GALNT18: variants seen among roughly 807,000 people sequenced by gnomAD.
The protein encoded by GALNT18 is GalNAc-transferase 18.
A neutral mutation model predicts 69.5 loss-of-function variants in GALNT18; 44 were observed. The observed-to-expected ratio is 0.63, with a 90% CI of 0.50 to 0.81. The LOEUF (loss-of-function observed/expected upper bound fraction) is 0.81, where lower values mean the gene tolerates loss of function less well. GALNT18 is among the 40% of genes least tolerant of loss of function. The pLI, the probability that GALNT18 is intolerant of heterozygous loss-of-function variation, is 0.00. For synonymous variants in GALNT18, 364 were observed against 318.2 expected (o/e 1.14, Z -1.53); for missense variants, 715 against 810.0 (o/e 0.88, Z 1.42).
intron 1 of GALNT18, among the ~76,000 whole-genome samples, chr11:11,490,256 CA>C (rs1564975754): frequency 6.6e-6 from 1 of 151,470 alleles, no homozygotes; most frequent in South Asian, 2.1e-4. Context: ...CACACACACA[CA>C]CACACACACA....
At chr11:11,381,358 G>A (rs1336012284) in intron 3 of GALNT18, among the ~76,000 whole-genome samples, 2 of 152,142 alleles carry the variant, frequency 1.3e-5, no homozygotes, top group African/African-American at 4.8e-5. Flanking sequence ...CAAATGGCCT[G>A]ATACAAATCC....
chr11:11,294,355 C>G (rs1004533112), intron 9 of GALNT18, among the ~76,000 whole-genome samples: 1 of 152,106 alleles, frequency 6.6e-6, no homozygotes, highest in Non-Finnish European at 1.5e-5. Context: ...CTGGTATGCA[C>G]CAAAATCCCA....
At position 11,564,871 on chromosome 11, in the gene GALNT18, C is replaced by A. The variant is rs1414398300; in HGVS notation, c.235+56488G>T. On this transcript the variant is annotated intron_variant, in intron 1 of 10. Transcript: ENST00000227756. This position sits in a 1 kb window ranked among gnomAD's most constrained non-coding sequence, Gnocchi z 4.3. ...AGTGTTCATAAGTGGCCTGTGTCTG[C>A]TCGATACCATAGTGAACAGAATAGG... Among the ~76,000 whole-genome samples, 2 of 152,214 alleles carry A rather than the reference C, an allele frequency of 1.3e-5. No individual in the cohort carries two copies. The highest frequency in any genetic ancestry group is 3.8e-4 in the East Asian group (2 of 5,200).
chr11:11,414,818 T>C (rs1854816695), intron 3 of GALNT18, among the ~76,000 whole-genome samples: 1 of 152,178 alleles, frequency 6.6e-6, no homozygotes. Context: ...ACTGAGCAGC[T>C]TGAAACAACA....
intron 3 of GALNT18, among the ~76,000 whole-genome samples, chr11:11,416,975 C>T (rs1222965720): frequency 1.3e-5 from 2 of 152,238 alleles, no homozygotes; most frequent in African/African-American, 4.8e-5. Flanking sequence ...CTAAGTGACC[C>T]TTCCTCTATG....
chr11:11,581,498 C>T (rs115157455), intron 1 of GALNT18, among the ~76,000 whole-genome samples: 1,774 of 152,186 alleles, frequency 0.012, 41 homozygotes, highest in African/African-American at 0.04. Context: ...GACAGGGGCA[C>T]GCTACAGTGA....
intron 3 of GALNT18, among the ~76,000 whole-genome samples, chr11:11,428,771 A>G (rs747028775): frequency 5.9e-5 from 9 of 152,214 alleles, no homozygotes; most frequent in Non-Finnish European, 1.0e-4. Flanking sequence ...AGAAAAGAGA[A>G]CTAGAACACA....
chr11:11,485,673 C>T (rs1192727724), intron 1 of GALNT18, among the ~76,000 whole-genome samples: 1 of 152,122 alleles, frequency 6.6e-6, no homozygotes, highest in African/African-American at 2.4e-5. Flanking sequence ...ACCAGGGCAC[C>T]AACTGTATAC....
intron 1 of GALNT18, among the ~76,000 whole-genome samples, chr11:11,585,398 C>T (rs958171641): frequency 6.6e-6 from 1 of 150,706 alleles, no homozygotes; most frequent in Non-Finnish European, 1.5e-5. Context: ...TCTTATTGCC[C>T]AGGCTGGAGT....
chr11:11,427,983 T>G (rs1348436482), intron 3 of GALNT18, among the ~76,000 whole-genome samples: 3 of 152,144 alleles, frequency 2.0e-5, no homozygotes, highest in Non-Finnish European at 2.9e-5. Context: ...GGAAACCAAG[T>G]CCTAGAACAT....
Position 11,382,235 on chromosome 11 carries a change from A to C in GALNT18, c.596-2971T>G, listed in dbSNP as rs1853939035. ...CCAACCAAACAACTGCTATCCAAAA[A>C]AGAAAATAAAGAAGAAACAAAATGC... On this transcript the variant is annotated intron_variant, in intron 3 of 10. Coordinates refer to ENST00000227756, the MANE Select transcript of GALNT18 (RefSeq NM_198516.3). This position sits in a 1 kb window ranked among gnomAD's most constrained non-coding sequence, Gnocchi z 4.3. Among the ~76,000 whole-genome samples, 2 of 152,198 alleles carry C rather than the reference A, an allele frequency of 1.3e-5. No individual in the cohort carries two copies. Among genetic ancestry groups the C allele is most frequent in the Admixed American group, 6.5e-5 (1 of 15,282 alleles).
chr11:11,478,210 G>A (rs941759610), intron 1 of GALNT18, among the ~76,000 whole-genome samples: 3 of 152,238 alleles, frequency 2.0e-5, no homozygotes, highest in African/African-American at 7.2e-5. Context: ...AACACTGGGA[G>A]CTGGAAGGCA....
chr11:11,298,472 G>A (rs1259442180), intron 9 of GALNT18, among the ~76,000 whole-genome samples: 1 of 152,242 alleles, frequency 6.6e-6, no homozygotes, highest in African/African-American at 2.4e-5. Flanking sequence ...AGGGCCTGTG[G>A]CCCCTTACCC....
At chr11:11,361,913 A>G (rs978540184) in intron 6 of GALNT18, among the ~76,000 whole-genome samples, 1 of 152,172 alleles carries the variant, frequency 6.6e-6, no homozygotes, top group Non-Finnish European at 1.5e-5. Context: ...GGCTAAATTC[A>G]CCCTGTGGAC....
chr11:11,346,562 G>T (rs2133062357), intron 6 of GALNT18, among the ~76,000 whole-genome samples: 1 of 152,300 alleles, frequency 6.6e-6, no homozygotes, highest in East Asian at 1.9e-4. Flanking sequence ...TAAAACCTAG[G>T]AAGTCATCAA....
chr11:11,619,604 C>A lies in GALNT18; in HGVS notation c.235+1755G>T, dbSNP rs1860137590. ...AAGAGAATCATTTTCCAGGAACACA[C>A]ACACACACAGAATCTGTGAATGAAA... On this transcript the variant is annotated intron_variant, in intron 1 of 10. Coordinates refer to ENST00000227756, the MANE Select transcript of GALNT18 (RefSeq NM_198516.3). This position sits in a 1 kb window ranked among gnomAD's most constrained non-coding sequence, Gnocchi z 4.9. Among the ~76,000 whole-genome samples the A allele has an allele frequency of 5.9e-5, 9 of 152,180 alleles. No homozygotes were observed. The highest frequency in any genetic ancestry group is 1.5e-5 in the Non-Finnish European group (1 of 68,026).
At chr11:11,274,707 C>T (rs747566393) in intron 10 of GALNT18, among the ~76,000 whole-genome samples, 3 of 152,206 alleles carry the variant, frequency 2.0e-5, no homozygotes, top group Non-Finnish European at 2.9e-5. Flanking sequence ...CCTAGCCCTC[C>T]ACTCCCTGAC....
intron 1 of GALNT18, among the ~76,000 whole-genome samples, chr11:11,568,848 T>C (rs1858715307): frequency 6.6e-6 from 1 of 152,224 alleles, no homozygotes; most frequent in South Asian, 2.1e-4. Context: ...ATAGCTGAGA[T>C]GAGAAGAAGC....
At chr11:11,554,206 T>C (rs1053385933) in intron 1 of GALNT18, among the ~76,000 whole-genome samples, 6 of 152,204 alleles carry the variant, frequency 3.9e-5, no homozygotes, top group South Asian at 4.1e-4. Flanking sequence ...TCTGGAGCCA[T>C]GGCTGTGACC....
Sources: allele counts gnomAD v4.1 joint callset (sites outside exome capture counted in the v4.1 genomes callset), GRCh38; gene constraint gnomAD v4.1.1; non-coding constraint Gnocchi (gnomAD v3.1); transcripts MANE v1.5; gene names NCBI Gene and HGNC (gene_info 2026-07-23, HGNC 2026-07-21).